The following ABCB10 variants were observed in gnomAD, a reference collection of about 807,000 sequenced individuals.
ABCB10 encodes ATP-binding cassette sub-family B member 10, mitochondrial.
Under a neutral mutation model 65.4 loss-of-function variants are expected in ABCB10, and 54 were observed. The ratio of observed to expected loss-of-function variants is 0.83; its 90% CI spans 0.66 to 1.04. The LOEUF (loss-of-function observed/expected upper bound fraction) is 1.04. Among genes scored for constraint, ABCB10 ranks in the 50% least tolerant of loss-of-function variants. ABCB10 has a pLI of 0.00. For missense variants in ABCB10, 846 were observed against 976.6 expected, an observed-to-expected ratio of 0.87 and a Z score of 1.78; for synonymous variants, 418 against 406.5, an observed-to-expected ratio of 1.03 and a Z score of -0.34.
intron 9 of ABCB10, 114 bp downstream of exon 9, chr1:229,527,115 C>A: frequency 9.9e-7 from 1 of 1,010,988 alleles, no homozygotes. Flanking sequence ...TTAATACATC[C>A]CAAAGACTTC....
chr1:229,520,607 C>T (rs1463464678), intron 11 of ABCB10, among the ~76,000 whole-genome samples: 1 of 151,704 alleles, frequency 6.6e-6, no homozygotes, highest in Non-Finnish European at 1.5e-5. Flanking sequence ...AAGGTAGCTA[C>T]TATTCTTTAT....
At chr1:229,521,518 T>A in intron 11 of ABCB10, 74 bp downstream of exon 11, 1 of 1,488,954 alleles carries the variant, frequency 6.7e-7, no homozygotes, top group Non-Finnish European at 9.1e-7. Flanking sequence ...AGACAAATAG[T>A]AAATTACAAA....
intron 10 of ABCB10, among the ~76,000 whole-genome samples, chr1:229,523,055 C>T (rs2102682901): frequency 6.6e-6 from 1 of 152,220 alleles, no homozygotes; most frequent in South Asian, 2.1e-4. Flanking sequence ...TTTTCCCCTC[C>T]TCTAGAGGAA....
At chr1:229,547,809 A>G in intron 2 of ABCB10, 108 bp from the exon 3 acceptor site, 2 of 1,002,316 alleles carry the variant, frequency 2.0e-6, no homozygotes, top group Non-Finnish European at 3.1e-6. Flanking sequence ...AACCCTCCTG[A>G]GCAATGCAGC....
At chr1:229,520,557 C>T (rs1482246380) in intron 11 of ABCB10, among the ~76,000 whole-genome samples, 1 of 147,900 alleles carries the variant, frequency 6.8e-6, no homozygotes, top group East Asian at 1.9e-4. Flanking sequence ...TAAAACATTA[C>T]AAGTCCAGCT....
At chr1:229,530,495 G>C in intron 7 of ABCB10, 87 bp from the exon 8 acceptor site, 1 of 1,380,690 alleles carries the variant, frequency 7.2e-7, no homozygotes. Flanking sequence ...TCTGGCTATG[G>C]ATGGGTGACT....
At chr1:229,542,452 T>G in intron 3 of ABCB10, 81 bp from the exon 4 acceptor site, 2 of 1,489,524 alleles carry the variant, frequency 1.3e-6, no homozygotes, top group Non-Finnish European at 1.8e-6. Context: ...AAGGGGAGTG[T>G]GTGTGTGGGT....
At chr1:229,549,623 C>T (rs1229351983) in intron 1 of ABCB10, among the ~76,000 whole-genome samples, 189 bp from the exon 2 acceptor site, 1 of 152,164 alleles carries the variant, frequency 6.6e-6, no homozygotes. Flanking sequence ...CAGGTGAGAA[C>T]AAGCAGGTTG....
chr1:229,518,289 C>T lies in ABCB10; in HGVS notation c.2107G>A (p.Val703Ile). Residue 703 changes from valine (V) to isoleucine (I), a missense_variant, in exon 13 of 13, where the codon GTT becomes ATT. This residue lies in a region of ABCB10 where 632 missense variants were observed against 803.2 expected (regional missense o/e 0.79). Coordinates refer to ENST00000344517, the MANE Select transcript of ABCB10 (RefSeq NM_012089.3). Reference sequence around the variant, plus strand: ...TCAGTAATTTTTCCTTGGTCAAGAACAGCAACCATATTAGCATTCTTAATG... The same window carrying T: ...TCAGTAATTTTTCCTTGGTCAAGAATAGCAACCATATTAGCATTCTTAATG... ...STIKNANMVA[V>I]LDQGKITEYG... 6.2e-7 allele frequency: 1 copy of T among 1,614,180 alleles called. No homozygotes were observed.
chr1:229,518,994 T>C lies in ABCB10; in HGVS notation c.1951-119A>G, dbSNP rs576914274. The C allele has an allele frequency of 4.0e-6, 3 of 753,066 alleles. No individual in the cohort carries two copies. In the South Asian group the frequency reaches 5.8e-5, roughly 15 times the overall value. The allele number at this position is 753,066 out of a possible 1,614,324, so 46.6% of individuals were successfully genotyped here. The stretch of plus-strand genomic sequence containing the variant: ...TACAATGTGGATGAGCCTTGGAAAC[T>C]TATGCTAAGTGAAAGAAGCCAGACA... On this transcript the variant is annotated intron_variant, in intron 11 of 12. Transcript: ENST00000344517.
At chr1:229,547,751 C>G in intron 2 of ABCB10, 50 bp from the exon 3 acceptor site, 1 of 1,585,632 alleles carries the variant, frequency 6.3e-7, no homozygotes. Flanking sequence ...ACATCCATTA[C>G]CATTATGGGG....
intron 2 of ABCB10, among the ~76,000 whole-genome samples, chr1:229,548,666 CTT>C (rs930788850): frequency 7.8e-5 from 11 of 140,994 alleles, no homozygotes; most frequent in Non-Finnish European, 7.8e-5. Flanking sequence ...CTTTTTTTTT[CTT>C]TTTTTTTTTT....
At chr1:229,538,169 T>C (rs908427247) in intron 6 of ABCB10, among the ~76,000 whole-genome samples, 1 of 152,194 alleles carries the variant, frequency 6.6e-6, no homozygotes, top group African/African-American at 2.4e-5. Flanking sequence ...AGAACTGTGT[T>C]TTCCAACCCA....
chr1:229,523,439 TAA>T (rs1230481005), intron 10 of ABCB10, among the ~76,000 whole-genome samples: 3 of 152,212 alleles, frequency 2.0e-5, no homozygotes, highest in Admixed American at 2.0e-4. Flanking sequence ...TTATTTCATA[TAA>T]GAGAGGTTCA....
intron 8 of ABCB10, among the ~76,000 whole-genome samples, chr1:229,527,608 G>C (rs747710687): frequency 2.0e-5 from 3 of 152,184 alleles, no homozygotes; most frequent in Non-Finnish European, 4.4e-5. Context: ...AAACTCCCTA[G>C]TGACTTAGGA....
chr1:229,551,849 C>T (rs1461326911), intron 1 of ABCB10, among the ~76,000 whole-genome samples: 1 of 152,196 alleles, frequency 6.6e-6, no homozygotes, highest in African/African-American at 2.4e-5. Context: ...TCTTTTTGTC[C>T]TTCATCAGTA....
In ABCB10 at chr1:229,539,542, C is replaced by T. The variant is rs1662793886; in HGVS notation, c.1253G>A (p.Gly418Glu). The T allele has an allele frequency of 6.2e-7, 1 of 1,614,082 alleles. No homozygotes were observed. Among genetic ancestry groups the T allele is most frequent in the East Asian group, 2.2e-5 (1 of 44,878 alleles). The part of the protein sequence containing the change: ...LIVLSVLYKG[G>E]LLMGSAHMTV... ...CATGTGGGCACTGCCCATCAGCAGC[C>T]CTCCTTTGTACAGGACAGAAAGCAC... The change falls in exon 6 of 13, where the codon GGG becomes GAG. Residue 418 changes from glycine (G) to glutamate (E), a missense_variant. Coordinates refer to ENST00000344517, the MANE Select transcript of ABCB10 (RefSeq NM_012089.3).
chr1:229,522,670 T>G (rs778178585), intron 10 of ABCB10, among the ~76,000 whole-genome samples: 1 of 152,198 alleles, frequency 6.6e-6, no homozygotes, highest in Non-Finnish European at 1.5e-5. Context: ...CTTAAAAGCA[T>G]GTAAAGATCT....
At chr1:229,521,147 A>C (rs773971207) in intron 11 of ABCB10, among the ~76,000 whole-genome samples, 5 of 152,190 alleles carry the variant, frequency 3.3e-5, no homozygotes, top group Non-Finnish European at 7.4e-5. Context: ...TTAAAAAGAG[A>C]ATGCCCGCCT....
Sources: allele counts gnomAD v4.1 joint callset (sites outside exome capture counted in the v4.1 genomes callset), GRCh38; gene constraint gnomAD v4.1.1; regional missense constraint gnomAD v4.1.1; transcripts MANE v1.5; gene names NCBI Gene and HGNC (gene_info 2026-07-23, HGNC 2026-07-21).